Variants in NOL4 observed in about 807,000 individuals in gnomAD.
NOL4 encodes the protein cancer/testis antigen 125.
NOL4 carries 17 observed loss-of-function variants against 75.9 expected under a neutral mutation model. That is an observed-to-expected ratio of 0.22 (90% CI 0.15 to 0.34). NOL4 has a LOEUF of 0.34. Among genes scored for constraint, NOL4 ranks in the 10% least tolerant of loss-of-function variants. The pLI is 1.00. For missense variants in NOL4, 614 were observed against 793.5 expected, an observed-to-expected ratio of 0.77 and a Z score of 2.72; for synonymous variants, 292 against 289.9, an observed-to-expected ratio of 1.01 and a Z score of -0.07.
intron 4 of NOL4, among the ~76,000 whole-genome samples, chr18:34,097,686 G>T (rs2078852704): frequency 6.6e-6 from 1 of 151,994 alleles, no homozygotes; most frequent in Non-Finnish European, 1.5e-5. Flanking sequence ...TGTGACTAAT[G>T]ACTACCATCT....
intron 6 of NOL4, among the ~76,000 whole-genome samples, chr18:33,992,515 G>A (rs565368576): frequency 5.3e-5 from 8 of 152,118 alleles, no homozygotes; most frequent in African/African-American, 1.7e-4. Flanking sequence ...CTAAGATTTA[G>A]TAATAACAGT....
chr18:34,051,707 A>C (rs1332442879), intron 5 of NOL4, among the ~76,000 whole-genome samples: 2 of 152,050 alleles, frequency 1.3e-5, no homozygotes, highest in Non-Finnish European at 2.9e-5. Context: ...ACACTGCTCT[A>C]GGTGCTGGGG....
At chr18:33,952,072 C>G (rs2069271661) in intron 8 of NOL4, among the ~76,000 whole-genome samples, 1 of 152,000 alleles carries the variant, frequency 6.6e-6, no homozygotes, top group Non-Finnish European at 1.5e-5. Flanking sequence ...ATTTCCTTTT[C>G]TTTCTTTTGA....
chr18:33,875,391 G>A (rs1369260993), intron 10 of NOL4, among the ~76,000 whole-genome samples: 1 of 152,020 alleles, frequency 6.6e-6, no homozygotes, highest in East Asian at 1.9e-4. Context: ...AATTTGGATT[G>A]TTGGGTGCAG....
At chr18:33,997,484 T>C (rs528649849) in intron 6 of NOL4, among the ~76,000 whole-genome samples, 1 of 100,904 alleles carries the variant, frequency 9.9e-6, no homozygotes, top group African/African-American at 3.9e-5. Context: ...CTCTGAAGTA[T>C]AGTTTGAGGT....
chr18:34,203,715 T>TCACACACA (rs751513951), intron 1 of NOL4, among the ~76,000 whole-genome samples: 113 of 59,584 alleles, frequency 1.9e-3, no homozygotes, highest in Non-Finnish European at 2.9e-3. Flanking sequence ...TCTCTCTCTC[T>TCACACACA]CTCACACACA....
At chr18:33,901,546 A>C (rs1052575157) in intron 9 of NOL4, among the ~76,000 whole-genome samples, 6 of 152,098 alleles carry the variant, frequency 3.9e-5, no homozygotes, top group Non-Finnish European at 5.9e-5. Flanking sequence ...CAATTGATAA[A>C]TAGGTGCTGA....
At chr18:33,880,497 G>A (rs1384932514) in intron 10 of NOL4, among the ~76,000 whole-genome samples, 1 of 151,920 alleles carries the variant, frequency 6.6e-6, no homozygotes, top group Non-Finnish European at 1.5e-5. Flanking sequence ...CTTCAACCTG[G>A]TATATAAGTT....
chr18:33,863,798 C>T (rs542103376), intron 10 of NOL4, among the ~76,000 whole-genome samples: 1 of 152,266 alleles, frequency 6.6e-6, no homozygotes, highest in Admixed American at 6.5e-5. Context: ...GGACTCCAAT[C>T]CCAAATTTCC....
intron 1 of NOL4, among the ~76,000 whole-genome samples, chr18:34,140,517 T>G (rs2081099399): frequency 6.6e-6 from 1 of 152,132 alleles, no homozygotes; most frequent in Non-Finnish European, 1.5e-5. Flanking sequence ...CCTTTTTTTG[T>G]TTTCCATTTG....
At chr18:33,889,660 C>A (rs774844525) in intron 9 of NOL4, among the ~76,000 whole-genome samples, 7 of 152,156 alleles carry the variant, frequency 4.6e-5, no homozygotes, top group Non-Finnish European at 1.0e-4. Context: ...CAAACCGAAT[C>A]CAACAGCACA....
At chr18:34,046,386 T>C (rs1023284944) in intron 5 of NOL4, among the ~76,000 whole-genome samples, 1 of 151,716 alleles carries the variant, frequency 6.6e-6, no homozygotes, top group South Asian at 2.1e-4. Context: ...CTAAGATAGA[T>C]TACAAATCCC....
chr18:34,048,801 T>A (rs1343187985), intron 5 of NOL4, among the ~76,000 whole-genome samples: 1 of 152,070 alleles, frequency 6.6e-6, no homozygotes, highest in Non-Finnish European at 1.5e-5. Flanking sequence ...TACATTTTGC[T>A]ACAGGGAGAT....
At chr18:34,063,790 TAATA>T (rs1288606958) in intron 5 of NOL4, among the ~76,000 whole-genome samples, 2 of 151,998 alleles carry the variant, frequency 1.3e-5, no homozygotes, top group African/African-American at 4.8e-5. Context: ...TGTTATATGA[TAATA>T]ATTAATAAAT....
Position 34,223,084 on chromosome 18 carries a change from A to G in NOL4, c.170T>C (p.Val57Ala). The change falls in exon 1 of 11, where the codon GTC (valine) becomes GCC (alanine). Residue 57 changes from valine to alanine, a missense_variant. By Grantham distance (64) the Val-to-Ala change is moderately conservative. Coordinates refer to ENST00000261592, the MANE Select transcript of NOL4 (RefSeq NM_003787.5). ...GCCCAGCTGGAAGCCCTTCGATTTG[A>G]CCCAGAATTTAAATTTGGCGTTGTC... ...STDNAKFKFW[V>A]KSKGFQLGQP... is the part of the protein sequence containing the mutation. The G allele has an allele frequency of 6.2e-7, 1 of 1,613,962 alleles. No individual in the cohort carries two copies. Among genetic ancestry groups the G allele is most frequent in the Non-Finnish European group, 8.5e-7 (1 of 1,179,998 alleles).
chr18:34,081,527 C>T (rs1302717651), intron 5 of NOL4, among the ~76,000 whole-genome samples: 2 of 151,992 alleles, frequency 1.3e-5, no homozygotes, highest in Non-Finnish European at 2.9e-5. Context: ...CACTCTTCAT[C>T]AATAACATAT....
chr18:34,052,751 T>A (rs2076676518), intron 5 of NOL4, among the ~76,000 whole-genome samples: 1 of 152,064 alleles, frequency 6.6e-6, no homozygotes, highest in African/African-American at 2.4e-5. Flanking sequence ...TATAAAATTA[T>A]ACACAGAATG....
At chr18:34,152,249 A>C (rs1001538116) in intron 1 of NOL4, among the ~76,000 whole-genome samples, 1 of 151,908 alleles carries the variant, frequency 6.6e-6, no homozygotes, top group African/African-American at 2.4e-5. Context: ...AGTCAGGTAA[A>C]TTTCTAGGGT....
At chr18:33,978,550 A>G (rs2071688403) in intron 6 of NOL4, among the ~76,000 whole-genome samples, 1 of 152,132 alleles carries the variant, frequency 6.6e-6, no homozygotes, top group African/African-American at 2.4e-5. Context: ...TGAGTTATTG[A>G]TACAAAGCAA....
Sources: gnomAD v4.1 joint callset for allele counts (sites outside exome capture counted in the v4.1 genomes callset) on GRCh38, gnomAD v4.1.1 for gene constraint, MANE v1.5 for transcripts, NCBI Gene and HGNC (gene_info 2026-07-23, HGNC 2026-07-21) for gene names.